The following UFD1 variants were observed in gnomAD, a reference collection of about 807,000 sequenced individuals.
UFD1 encodes the protein ubiquitin recognition factor in ER-associated degradation protein 1.
UFD1 carries 13 observed loss-of-function variants against 45.9 expected under a neutral mutation model. The observed-to-expected ratio is 0.28, with a 90% CI of 0.18 to 0.45. The LOEUF is 0.45. Among genes scored for constraint, UFD1 ranks in the 20% least tolerant of loss-of-function variants. UFD1 has a pLI of 1.00. For missense variants in UFD1, 218 were observed against 389.2 expected (o/e 0.56, Z 3.70); for synonymous variants, 128 against 139.2 (o/e 0.92, Z 0.56).
At chr22:19,470,633 G>T in intron 4 of UFD1, 1 of 415,156 alleles carries the variant, frequency 2.4e-6, no homozygotes, top group South Asian at 1.8e-5. Flanking sequence ...GTAGAGACGG[G>T]GTTTCACCAT....
chr22:19,477,953 TGGC>T (rs1411933009), intron 1 of UFD1, among the ~76,000 whole-genome samples: 2 of 152,244 alleles, frequency 1.3e-5, no homozygotes, highest in Non-Finnish European at 2.9e-5. Flanking sequence ...AGCTAAATCT[TGGC>T]CAGAACCATA....
At chr22:19,453,667 A>T (rs2089700027) in intron 11 of UFD1, 1 of 985,402 alleles carries the variant, frequency 1.0e-6, no homozygotes, top group Admixed American at 6.1e-5. Flanking sequence ...GAAAGGTCCC[A>T]ATGCCCAATG....
rs767026703 is a variant in UFD1 at position 19,475,607 on chromosome 22, A to G, written c.4-5T>C. On this transcript the variant is annotated splice_polypyrimidine_tract_variant and splice_region_variant and intron_variant, in intron 1 of 11. Coordinates refer to ENST00000263202, the MANE Select transcript of UFD1 (RefSeq NM_005659.7). ...GTCGAACATGTTGAAAGAGAACTAG[A>G]AGGAGGAAAGAGAAACAAGTATTAA... 2.5e-6 allele frequency: 4 copies of G among 1,613,884 alleles called. No individual in the cohort carries two copies. The East Asian group carries it at 6.7e-5, about 27-fold the overall frequency.
In UFD1 at chr22:19,456,579, G is replaced by A. The variant is rs371510806; in HGVS notation, c.678+8C>T. Reference sequence around the variant, plus strand: ...ACAGCAATATAAGTCAAGTGGTCTGGTACTCACGCGGAAGCCCAGCTCTCC... The same window carrying A: ...ACAGCAATATAAGTCAAGTGGTCTGATACTCACGCGGAAGCCCAGCTCTCC... On this transcript the variant is annotated splice_region_variant and intron_variant, in intron 9 of 11. Coordinates refer to ENST00000263202, the MANE Select transcript of UFD1 (RefSeq NM_005659.7). 49 of 1,614,012 alleles carry A rather than the reference G, an allele frequency of 3.0e-5. No individual in the cohort carries two copies. The highest frequency in any genetic ancestry group is 4.1e-5 in the Non-Finnish European group (48 of 1,180,030).
At chr22:19,460,207 C>T (rs187680049) in intron 6 of UFD1, among the ~76,000 whole-genome samples, 1 of 152,176 alleles carries the variant, frequency 6.6e-6, no homozygotes, top group Admixed American at 6.5e-5. Flanking sequence ...ATCCACTGAG[C>T]ATCCGGCCTG....
intron 4 of UFD1, chr22:19,471,074 C>G: frequency 2.3e-6 from 1 of 427,962 alleles, no homozygotes; most frequent in Non-Finnish European, 4.7e-6. Flanking sequence ...CTGCTGCAGG[C>G]TCCTCCCTAC....
intron 4 of UFD1, among the ~76,000 whole-genome samples, chr22:19,469,251 C>T (rs1043704293): frequency 3.9e-5 from 6 of 152,128 alleles, no homozygotes; most frequent in African/African-American, 1.4e-4. Flanking sequence ...GCAGGCCAGG[C>T]GCACTGTCCC....
At chr22:19,475,145 A>G in intron 2 of UFD1, 45 bp from the exon 3 acceptor site, 2 of 1,572,676 alleles carry the variant, frequency 1.3e-6, no homozygotes, top group Non-Finnish European at 1.7e-6. Context: ...AAAAATAAAA[A>G]GGACAGACCA....
intron 5 of UFD1, chr22:19,467,232 T>C (rs2089809457): frequency 1.3e-5 from 2 of 151,850 alleles, no homozygotes; most frequent in African/African-American, 2.4e-5. Flanking sequence ...GCCACTCTTA[T>C]GCCATGATCG....
chr22:19,456,762 C>G, intron 8 of UFD1, 91 bp downstream of exon 8: 1 of 1,613,554 alleles, frequency 6.2e-7, no homozygotes, highest in Non-Finnish European at 8.5e-7. Context: ...ATGACTACAC[C>G]AACACTAGCA....
chr22:19,462,927 G>A (rs1458556009), intron 6 of UFD1, among the ~76,000 whole-genome samples: 1 of 151,972 alleles, frequency 6.6e-6, no homozygotes, highest in Non-Finnish European at 1.5e-5. Flanking sequence ...TTTTCACTTT[G>A]CCCTTATTCT....
intron 4 of UFD1, chr22:19,469,987 T>C (rs752509021): frequency 5.8e-6 from 3 of 518,644 alleles, no homozygotes; most frequent in African/African-American, 5.8e-5. Flanking sequence ...CACCACCTCC[T>C]CTTATAGGTG....
intron 4 of UFD1, among the ~76,000 whole-genome samples, chr22:19,470,438 A>T (rs887559729): frequency 7.2e-6 from 1 of 138,116 alleles, no homozygotes; most frequent in African/African-American, 2.4e-5. Context: ...TTTGATTCAT[A>T]TTATTGTTGT....
In UFD1 at chr22:19,479,098, C is replaced by T. The variant is rs1298667376; in HGVS notation, c.-13G>A. ...CAGCGCTTACCATGATGGACACCAC[C>T]TGGCAGACTCCGCTCCTCTCAGGCA... On this transcript the variant is annotated 5_prime_UTR_variant, in exon 1 of 12. Transcript: ENST00000263202. The T allele has an allele frequency of 3.1e-6, 5 of 1,611,622 alleles. No homozygotes were observed. In the South Asian group the frequency reaches 5.5e-5, roughly 18 times the overall value.
At chr22:19,478,054 T>C (rs948797570) in intron 1 of UFD1, among the ~76,000 whole-genome samples, 88 of 152,318 alleles carry the variant, frequency 5.8e-4, no homozygotes, top group African/African-American at 2.0e-3. Context: ...CCAACCTATG[T>C]AAGCCATTTC....
chr22:19,474,754 A>C (rs1006724076), intron 3 of UFD1, among the ~76,000 whole-genome samples: 17 of 152,124 alleles, frequency 1.1e-4, no homozygotes, highest in African/African-American at 3.6e-4. Flanking sequence ...ACCTTCACTT[A>C]ATCCTGACAG....
In UFD1 at chr22:19,471,747, C is replaced by G; in HGVS notation, c.231G>C (p.Met77Ile). The change falls in exon 4 of 12, where the codon ATG becomes ATC. Residue 77 changes from methionine to isoleucine, a missense_variant. Around this residue, in one of 2 missense-constraint regions of UFD1, gnomAD observed 149 missense variants for 307.5 expected, o/e 0.48. Transcript: ENST00000263202. ...CAAACTCCAGCACGCCACAATGCGTCATGCGGTCCGAATTCTTATTGGTCA... is the reference window on the plus strand; with the variant it reads ...CAAACTCCAGCACGCCACAATGCGTGATGCGGTCCGAATTCTTATTGGTCA... ...FKLTNKNSDR[M>I]THCGVLEFVA... is the part of the protein sequence containing the mutation. 1 of 1,614,138 alleles carries G rather than the reference C, an allele frequency of 6.2e-7. No individual in the cohort carries two copies. Among genetic ancestry groups the G allele is most frequent in the Non-Finnish European group, 8.5e-7 (1 of 1,180,042 alleles).
chr22:19,463,428 A>G (rs73160294), intron 6 of UFD1, among the ~76,000 whole-genome samples: 7,034 of 152,302 alleles, frequency 0.046, 215 homozygotes, highest in Middle Eastern at 0.15. Context: ...AACATTTTAT[A>G]TCTAATTATT....
chr22:19,452,365 T>A (rs2089689484), intron 11 of UFD1: 1 of 152,228 alleles, frequency 6.6e-6, no homozygotes, highest in Non-Finnish European at 1.5e-5. Flanking sequence ...TAAATGGCCC[T>A]ATCTGAGTTA....
Sources: gnomAD v4.1 joint callset for allele counts (sites outside exome capture counted in the v4.1 genomes callset) on GRCh38, gnomAD v4.1.1 for gene constraint, gnomAD v4.1.1 regional missense constraint, MANE v1.5 for transcripts, NCBI Gene and HGNC (gene_info 2026-07-23, HGNC 2026-07-21) for gene names.